TRPC6: variants seen among roughly 807,000 people sequenced by gnomAD.
TRPC6 encodes short transient receptor potential channel 6.
In TRPC6, 55 loss-of-function variants were observed where a neutral mutation model predicts 90.7. The observed-to-expected ratio is 0.61, with a 90% CI of 0.49 to 0.76. TRPC6 has a LOEUF of 0.76. TRPC6 is among the 30% of genes least tolerant of loss of function. The probability of loss-of-function intolerance (pLI) is 0.00; values close to 1 mark genes in which losing one functional copy is unlikely to be tolerated. For missense variants in TRPC6, 989 were observed against 1,122.7 expected (o/e 0.88, Z 1.70); for synonymous variants, 393 against 393.0 (o/e 1.00, Z 0.00).
intron 1 of TRPC6, among the ~76,000 whole-genome samples, chr11:101,512,902 T>C (rs1340660486): frequency 3.3e-5 from 5 of 151,936 alleles, no homozygotes; most frequent in Middle Eastern, 3.4e-3. Flanking sequence ...CTGCATAAGA[T>C]AGATTCTGGG....
chr11:101,495,016 G>T (rs890552675), intron 2 of TRPC6, among the ~76,000 whole-genome samples: 9 of 152,178 alleles, frequency 5.9e-5, no homozygotes, highest in African/African-American at 2.2e-4. Context: ...TAGCCAGAAT[G>T]CAGCTCTATG....
chr11:101,537,064 C>T (rs1861066166), intron 1 of TRPC6, among the ~76,000 whole-genome samples: 1 of 152,134 alleles, frequency 6.6e-6, no homozygotes, highest in South Asian at 2.1e-4. Flanking sequence ...TGGACTGAAC[C>T]TCTGGGGTTA....
chr11:101,512,334 A>G (rs1445630481), intron 1 of TRPC6, among the ~76,000 whole-genome samples: 9 of 152,148 alleles, frequency 5.9e-5, no homozygotes, highest in Admixed American at 5.9e-4. Flanking sequence ...TGACTGAAAA[A>G]TCTCAGGTGC....
At chr11:101,531,636 G>C (rs761505740) in intron 1 of TRPC6, among the ~76,000 whole-genome samples, 1 of 152,082 alleles carries the variant, frequency 6.6e-6, no homozygotes, top group Admixed American at 6.6e-5. Flanking sequence ...AATGAAGCAG[G>C]CACAATTTGA....
intron 6 of TRPC6, among the ~76,000 whole-genome samples, chr11:101,475,554 C>T (rs1859392886): frequency 6.6e-6 from 1 of 152,054 alleles, no homozygotes; most frequent in Admixed American, 6.6e-5. Context: ...TAAGCTCTAA[C>T]TAATAAGTTA....
intron 10 of TRPC6, among the ~76,000 whole-genome samples, chr11:101,458,335 T>C (rs1305719317): frequency 2.0e-5 from 3 of 152,146 alleles, no homozygotes; most frequent in South Asian, 2.1e-4. Flanking sequence ...GGGAATGAAA[T>C]AGTCAGTGAT....
At chr11:101,461,393 A>G (rs929611472) in intron 10 of TRPC6, among the ~76,000 whole-genome samples, 5 of 152,106 alleles carry the variant, frequency 3.3e-5, no homozygotes, top group African/African-American at 1.2e-4. Flanking sequence ...CAACATGGCG[A>G]AACCCCATCT....
At chr11:101,490,618 G>T (rs1020538701) in intron 3 of TRPC6, among the ~76,000 whole-genome samples, 1 of 152,126 alleles carries the variant, frequency 6.6e-6, no homozygotes, top group Non-Finnish European at 1.5e-5. Context: ...ACCATACCCA[G>T]CTAATTTTTG....
intron 1 of TRPC6, among the ~76,000 whole-genome samples, chr11:101,511,825 C>T (rs1860400689): frequency 6.6e-6 from 1 of 151,916 alleles, no homozygotes. Context: ...AACCCTGTCT[C>T]TACTAAAAAA....
chr11:101,563,016 T>C (rs1452516428), intron 1 of TRPC6, among the ~76,000 whole-genome samples: 2 of 152,190 alleles, frequency 1.3e-5, no homozygotes, highest in Non-Finnish European at 2.9e-5. Context: ...AACTAATCCA[T>C]GTAAAGAGGT....
chr11:101,567,882 A>T (rs1320570613), intron 1 of TRPC6, among the ~76,000 whole-genome samples: 4 of 152,212 alleles, frequency 2.6e-5, no homozygotes, highest in Non-Finnish European at 4.4e-5. Flanking sequence ...CTTCAAATAC[A>T]AAAGGTAGAT....
chr11:101,490,582 A>G (rs1306942796), intron 3 of TRPC6, among the ~76,000 whole-genome samples: 1 of 152,092 alleles, frequency 6.6e-6, no homozygotes, highest in African/African-American at 2.4e-5. Flanking sequence ...CAGTCTCCCA[A>G]ATAGCTGAGA....
At position 101,483,142 on chromosome 11, in the gene TRPC6, T is replaced by C. The variant is rs1347453945; in HGVS notation, c.1317A>G (p.Pro439=). ...CTGCGTGTGCTACAAACTTCATGAA[T>C]GGTCCACGCATTATCTTCCCCATCT... The part of the protein sequence containing the change: ...CSKMGKIMRG[P]FMKFVAHAAS... Residue 439 remains proline, a synonymous_variant, in exon 5 of 13, where the codon CCA becomes CCG. Coordinates refer to ENST00000344327, the MANE Select transcript of TRPC6 (RefSeq NM_004621.6). The C allele has an allele frequency of 8.1e-6, 13 of 1,614,042 alleles. No homozygotes were observed. Among genetic ancestry groups the C allele is most frequent in the Non-Finnish European group, 1.0e-5 (12 of 1,179,934 alleles).
chr11:101,551,916 G>T (rs1377930608), intron 1 of TRPC6, among the ~76,000 whole-genome samples: 1 of 152,026 alleles, frequency 6.6e-6, no homozygotes, highest in Non-Finnish European at 1.5e-5. Context: ...TGTTAGTGCA[G>T]GTACCATCCC....
intron 1 of TRPC6, among the ~76,000 whole-genome samples, chr11:101,554,497 G>A (rs781629190): frequency 1.3e-5 from 2 of 151,978 alleles, no homozygotes; most frequent in Admixed American, 6.6e-5. Context: ...ATGAATGTAT[G>A]TATAAAACAT....
chr11:101,517,702 G>A (rs1169351111), intron 1 of TRPC6, among the ~76,000 whole-genome samples: 1 of 152,128 alleles, frequency 6.6e-6, no homozygotes, highest in Non-Finnish European at 1.5e-5. Flanking sequence ...TTTTCTAGAG[G>A]AGGGAATATA....
chr11:101,452,689 G>GTT lies in TRPC6; in HGVS notation c.*264_*265dup. The GTT allele has an allele frequency of 2.3e-6, 1 of 440,724 alleles. No homozygotes were observed. Among genetic ancestry groups the GTT allele is most frequent in the Non-Finnish European group, 4.2e-6 (1 of 240,468 alleles). 27.3% of individuals were successfully genotyped at this position (440,724 alleles called of 1,614,324 possible). A position where few individuals can be genotyped will look rare whatever the true frequency, so the allele number is the denominator to read the frequency against. ...ACATGGCAATGACATCATCACAAGA[G>GTT]TTAGTTATATCCAAGAAAGCAGTTT... On this transcript the variant is annotated 3_prime_UTR_variant, in exon 13 of 13. Transcript: ENST00000344327.
chr11:101,487,658 T>G (rs941010824), intron 4 of TRPC6, among the ~76,000 whole-genome samples: 1 of 152,146 alleles, frequency 6.6e-6, no homozygotes, highest in African/African-American at 2.4e-5. Context: ...ATTTTCTAGA[T>G]GAAAATCTGT....
Position 101,471,402 on chromosome 11 carries a change from T to C in TRPC6, c.2206-16A>G, listed in dbSNP as rs199845775. 3.7e-6 allele frequency: 6 copies of C among 1,613,196 alleles called. No individual in the cohort carries two copies. Among genetic ancestry groups the C allele is most frequent in the Non-Finnish European group, 5.1e-6 (6 of 1,179,444 alleles). ...CAGCGTCATCCTATACAAATACACATGACAGTTCAGCAAGGAAATGCATAA... is the reference window on the plus strand; with the variant it reads ...CAGCGTCATCCTATACAAATACACACGACAGTTCAGCAAGGAAATGCATAA... On this transcript the variant is annotated splice_polypyrimidine_tract_variant and intron_variant, in intron 8 of 12. Coordinates refer to ENST00000344327, the MANE Select transcript of TRPC6 (RefSeq NM_004621.6).
Sources: allele counts gnomAD v4.1 joint callset (sites outside exome capture counted in the v4.1 genomes callset), GRCh38; gene constraint gnomAD v4.1.1; transcripts MANE v1.5; gene names NCBI Gene and HGNC (gene_info 2026-07-23, HGNC 2026-07-21).